FNDC1: variants seen among roughly 807,000 people sequenced by gnomAD.
The protein encoded by FNDC1 is fibronectin type III domain containing 1.
In FNDC1, 96 loss-of-function variants were observed where a neutral mutation model predicts 168.0. That is an observed-to-expected ratio of 0.57 (90% confidence interval 0.48 to 0.68). The LOEUF (loss-of-function observed/expected upper bound fraction) is 0.68. Among genes scored for constraint, FNDC1 ranks in the 30% least tolerant of loss-of-function variants. The pLI is 0.00. For synonymous variants in FNDC1, 1,099 were observed against 1,025.9 expected (o/e 1.07, Z -1.36); for missense variants, 2,587 against 2,482.1 (o/e 1.04, Z -0.90).
At chr6:159,199,141 C>G (rs1263578089) in intron 2 of FNDC1, among the ~76,000 whole-genome samples, 2 of 152,258 alleles carry the variant, frequency 1.3e-5, no homozygotes, top group Non-Finnish European at 2.9e-5. Context: ...AGACTTTCGT[C>G]TCTTCAAGAA....
At chr6:159,226,797 G>A (rs987553585) in intron 9 of FNDC1, among the ~76,000 whole-genome samples, 7 of 152,280 alleles carry the variant, frequency 4.6e-5, no homozygotes, top group Non-Finnish European at 1.0e-4. Context: ...AAGGCTTTTT[G>A]CTGTTGCTGT....
At position 159,261,289 on chromosome 6, in the gene FNDC1, C is replaced by T. The variant is rs1235795697; in HGVS notation, c.5254+20C>T. The T allele has an allele frequency of 3.2e-6, 5 of 1,551,358 alleles. No homozygotes were observed. The highest frequency in any genetic ancestry group is 4.4e-6 in the Non-Finnish European group (5 of 1,126,322). ...AATCAGGTATGAATGACTTCACATTCTGATTTGTTTTACTTTTCGAGAAAA... is the reference window on the plus strand; with the variant it reads ...AATCAGGTATGAATGACTTCACATTTTGATTTGTTTTACTTTTCGAGAAAA... On this transcript the variant is annotated intron_variant, in intron 19 of 22. Coordinates refer to ENST00000297267, the MANE Select transcript of FNDC1 (RefSeq NM_032532.3).
At chr6:159,179,230 G>A (rs992500868) in intron 1 of FNDC1, among the ~76,000 whole-genome samples, 1 of 152,228 alleles carries the variant, frequency 6.6e-6, no homozygotes, top group African/African-American at 2.4e-5. Context: ...AAGCCAAGGC[G>A]GGCAGATCAC....
chr6:159,250,134 A>G (rs908685184), intron 16 of FNDC1, among the ~76,000 whole-genome samples: 2 of 152,188 alleles, frequency 1.3e-5, no homozygotes, highest in African/African-American at 4.8e-5. Context: ...TCTAAACGCT[A>G]AAGGCTTACT....
intron 4 of FNDC1, among the ~76,000 whole-genome samples, chr6:159,202,041 G>T (rs998412309): frequency 1.3e-5 from 2 of 152,168 alleles, no homozygotes; most frequent in African/African-American, 4.8e-5. Context: ...GCTCATTATT[G>T]GTTGTATGTA....
intron 11 of FNDC1, among the ~76,000 whole-genome samples, chr6:159,235,289 G>C (rs1273751124): frequency 6.7e-6 from 1 of 149,030 alleles, no homozygotes; most frequent in African/African-American, 2.5e-5. Flanking sequence ...TGTAATTGGG[G>C]CTTTATAGAA....
At chr6:159,241,434 G>A (rs1481821265) in intron 14 of FNDC1, among the ~76,000 whole-genome samples, 1 of 151,772 alleles carries the variant, frequency 6.6e-6, no homozygotes, top group East Asian at 1.9e-4. Flanking sequence ...ATTTTTCCTG[G>A]CATTTTTGCC....
chr6:159,258,690 G>C (rs1363109268), intron 18 of FNDC1, among the ~76,000 whole-genome samples: 1 of 152,204 alleles, frequency 6.6e-6, no homozygotes, highest in African/African-American at 2.4e-5. Context: ...GTGCTCTTCT[G>C]GTAGAGACGC....
At chr6:159,177,163 G>A (rs1781778241) in intron 1 of FNDC1, among the ~76,000 whole-genome samples, 1 of 152,122 alleles carries the variant, frequency 6.6e-6, no homozygotes, top group Admixed American at 6.5e-5. Flanking sequence ...TGCAATTTTA[G>A]GAGTTCATGG....
At chr6:159,269,404 T>C (rs1329021279) in intron 22 of FNDC1, among the ~76,000 whole-genome samples, 1 of 8,886 alleles carries the variant, frequency 1.1e-4, no homozygotes, top group East Asian at 7.9e-3. Flanking sequence ...CATCTGTCTA[T>C]GTATGTATGT....
At chr6:159,258,939 A>C (rs569580103) in intron 18 of FNDC1, among the ~76,000 whole-genome samples, 1 of 152,240 alleles carries the variant, frequency 6.6e-6, no homozygotes, top group Admixed American at 6.5e-5. Context: ...GGGCCAGGGC[A>C]TAAAAGTGAG....
chr6:159,241,601 G>C (rs1017617893), intron 14 of FNDC1, among the ~76,000 whole-genome samples: 3 of 152,220 alleles, frequency 2.0e-5, no homozygotes, highest in African/African-American at 7.2e-5. Flanking sequence ...TGTGGGGACA[G>C]TAACATATCA....
At chr6:159,195,291 A>G (rs1782221040) in intron 1 of FNDC1, among the ~76,000 whole-genome samples, 2 of 151,906 alleles carry the variant, frequency 1.3e-5, no homozygotes, top group African/African-American at 4.8e-5. Flanking sequence ...AACATCACTC[A>G]CTTATTCCAT....
intron 18 of FNDC1, among the ~76,000 whole-genome samples, chr6:159,258,440 A>T (rs1459430382): frequency 6.6e-6 from 1 of 152,184 alleles, no homozygotes; most frequent in East Asian, 1.9e-4. Context: ...CTGGGAAAGT[A>T]AAATCTGAAC....
chr6:159,265,975 C>A, intron 20 of FNDC1, 109 bp from the exon 21 acceptor site: 3 of 1,091,298 alleles, frequency 2.7e-6, no homozygotes, highest in South Asian at 3.1e-5. Context: ...AACAAAAAGC[C>A]CTGTAAGGAA....
chr6:159,169,770 C>G lies in FNDC1; in HGVS notation c.109+65C>G, dbSNP rs1288247333. On this transcript the variant is annotated intron_variant, in intron 1 of 22. Transcript: ENST00000297267. This position sits in a 1 kb window ranked among gnomAD's most constrained non-coding sequence, Gnocchi z 6.8. ...CCGCGCACCCTCCTGCGCTCGGGCC[C>G]CGTCGTCCCGCTCAGTGCTGGCTAC... The G allele has an allele frequency of 3.3e-6, 2 of 609,678 alleles. No homozygotes were observed. Among genetic ancestry groups the G allele is most frequent in the East Asian group, 1.1e-4 (2 of 18,444 alleles). 37.8% of individuals were successfully genotyped at this position (609,678 alleles called of 1,614,324 possible). A position where few individuals can be genotyped will look rare whatever the true frequency, so the allele number is the denominator to read the frequency against.
At position 159,239,736 on chromosome 6, in the gene FNDC1, G is replaced by A. The variant is rs1783366038; in HGVS notation, c.4400G>A (p.Arg1467Lys). The change falls in exon 14 of 23, where the codon AGG becomes AAG. Residue 1467 changes from arginine to lysine, a missense_variant. Physicochemically the swap from Arg to Lys is conservative, Grantham distance 26. Coordinates refer to ENST00000297267, the MANE Select transcript of FNDC1 (RefSeq NM_032532.3). The stretch of plus-strand genomic sequence containing the variant: ...CCCCTGCCTACCACTACAACCCCGA[G>A]GCCCACCACTGCCACCACCCGCCGC... ...TTPLPTTTTP[R>K]PTTATTRRTT... The A allele has an allele frequency of 6.5e-7, 1 of 1,546,394 alleles. No homozygotes were observed.
chr6:159,175,548 G>A (rs920770022), intron 1 of FNDC1, among the ~76,000 whole-genome samples: 5 of 152,052 alleles, frequency 3.3e-5, no homozygotes, highest in Admixed American at 2.0e-4. Flanking sequence ...CATTGCTGTC[G>A]GCTGTTGAAA....
chr6:159,267,293 G>A (rs1777612112), intron 21 of FNDC1, among the ~76,000 whole-genome samples: 1 of 152,010 alleles, frequency 6.6e-6, no homozygotes, highest in Non-Finnish European at 1.5e-5. Context: ...TCCTAGGAGA[G>A]GCTGCATAAC....
Sources: gnomAD v4.1 joint callset for allele counts (sites outside exome capture counted in the v4.1 genomes callset) on GRCh38, gnomAD v4.1.1 for gene constraint, Gnocchi (gnomAD v3.1) non-coding constraint, MANE v1.5 for transcripts, NCBI Gene and HGNC (gene_info 2026-07-23, HGNC 2026-07-21) for gene names.